LRRTM4: variants seen among roughly 807,000 people sequenced by gnomAD.
The protein encoded by LRRTM4 is leucine-rich repeat transmembrane neuronal protein 4.
Under a neutral mutation model 47.6 loss-of-function variants are expected in LRRTM4, and 25 were observed. The observed-to-expected ratio is 0.53, with a 90% CI of 0.38 to 0.73. The LOEUF (loss-of-function observed/expected upper bound fraction) is 0.73, where lower values mean the gene tolerates loss of function less well. Ranked by LOEUF, LRRTM4 falls within the 30% of genes least tolerant of loss-of-function variation. The pLI is 0.00. For missense variants in LRRTM4, 638 were observed against 713.4 expected, an observed-to-expected ratio of 0.89 and a Z score of 1.20; for synonymous variants, 311 against 269.5, an observed-to-expected ratio of 1.15 and a Z score of -1.51.
intron 3 of LRRTM4, among the ~76,000 whole-genome samples, chr2:77,455,089 G>A (rs1413145095): frequency 1.3e-5 from 2 of 152,110 alleles, no homozygotes; most frequent in African/African-American, 4.8e-5. Context: ...TCAGGAGGCT[G>A]AGACAGGAGA....
chr2:77,240,505 T>G (rs1025035629), intron 3 of LRRTM4, among the ~76,000 whole-genome samples: 3 of 151,994 alleles, frequency 2.0e-5, no homozygotes, highest in Non-Finnish European at 4.4e-5. Flanking sequence ...AGGCCTCTTT[T>G]CTAAGATAAA....
intron 3 of LRRTM4, among the ~76,000 whole-genome samples, chr2:76,981,241 CAT>C (rs1491177867): frequency 6.6e-6 from 1 of 152,068 alleles, no homozygotes; most frequent in Non-Finnish European, 1.5e-5. Flanking sequence ...CTATAAAATT[CAT>C]AGTCTCTGCT....
intron 3 of LRRTM4, among the ~76,000 whole-genome samples, chr2:77,325,619 CT>C (rs903781611): frequency 2.6e-5 from 4 of 152,134 alleles, no homozygotes; most frequent in African/African-American, 4.8e-5. Context: ...TCTAATTCCT[CT>C]CTAAGGGCCC....
chr2:77,497,638 T>C (rs1950163), intron 3 of LRRTM4, among the ~76,000 whole-genome samples: 85,587 of 150,500 alleles, frequency 0.57, 24,759 homozygotes, highest in Middle Eastern at 0.67. Flanking sequence ...TGGATACACA[T>C]ATACATGCAT....
At chr2:76,933,525 T>G (rs1674842337) in intron 3 of LRRTM4, among the ~76,000 whole-genome samples, 1 of 152,164 alleles carries the variant, frequency 6.6e-6, no homozygotes, top group African/African-American at 2.4e-5. Flanking sequence ...CTTATTAATT[T>G]TTTAGAATTG....
At chr2:76,887,957 T>G (rs552020036) in intron 3 of LRRTM4, among the ~76,000 whole-genome samples, 1 of 150,312 alleles carries the variant, frequency 6.7e-6, no homozygotes, top group African/African-American at 2.5e-5. Context: ...CTGAATCTTT[T>G]ATATGTTTCT....
At chr2:77,479,680 C>A (rs1432825419) in intron 3 of LRRTM4, among the ~76,000 whole-genome samples, 2 of 150,886 alleles carry the variant, frequency 1.3e-5, no homozygotes, top group Non-Finnish European at 3.0e-5. Flanking sequence ...GCATTTCCTT[C>A]TCTCTCTCTC....
At chr2:77,249,319 C>T (rs1355791730) in intron 3 of LRRTM4, among the ~76,000 whole-genome samples, 2 of 151,968 alleles carry the variant, frequency 1.3e-5, no homozygotes, top group Non-Finnish European at 1.5e-5. Context: ...CATTACACTC[C>T]AGCCTGGGTG....
intron 3 of LRRTM4, among the ~76,000 whole-genome samples, chr2:77,004,604 C>T (rs780081461): frequency 3.9e-5 from 6 of 152,126 alleles, no homozygotes; most frequent in African/African-American, 7.2e-5. Flanking sequence ...AGGGTCGGAG[C>T]CCCCACACAG....
At chr2:77,074,738 T>A (rs1680276448) in intron 3 of LRRTM4, among the ~76,000 whole-genome samples, 2 of 152,144 alleles carry the variant, frequency 1.3e-5, no homozygotes, top group Admixed American at 1.3e-4. Flanking sequence ...GGTCAATTGT[T>A]GCAAACCTTG....
chr2:76,998,270 TTCA>T (rs1677275398), intron 3 of LRRTM4, among the ~76,000 whole-genome samples: 1 of 152,070 alleles, frequency 6.6e-6, no homozygotes, highest in Admixed American at 6.6e-5. Context: ...ATTCAGCTTA[TTCA>T]GTTTAATCCT....
intron 3 of LRRTM4, among the ~76,000 whole-genome samples, chr2:76,876,747 T>G (rs928109648): frequency 7.9e-5 from 12 of 152,034 alleles, no homozygotes; most frequent in African/African-American, 2.7e-4. Flanking sequence ...ACAGCTTATA[T>G]GTACCACTAA....
chr2:77,470,117 G>A (rs1275507148), intron 3 of LRRTM4, among the ~76,000 whole-genome samples: 1 of 152,144 alleles, frequency 6.6e-6, no homozygotes, highest in Non-Finnish European at 1.5e-5. Flanking sequence ...CCGACCAGCA[G>A]GGGCATATAT....
intron 3 of LRRTM4, among the ~76,000 whole-genome samples, chr2:77,087,081 G>A (rs1680742262): frequency 6.6e-6 from 1 of 152,126 alleles, no homozygotes; most frequent in African/African-American, 2.4e-5. Context: ...CAAAACTAAA[G>A]CAACCAGTGT....
chr2:77,078,222 T>G (rs1005942841), intron 3 of LRRTM4, among the ~76,000 whole-genome samples: 23 of 152,226 alleles, frequency 1.5e-4, no homozygotes, highest in African/African-American at 4.6e-4. Context: ...ATATCTGCCA[T>G]AAACTAATCT....
chr2:76,869,408 CACCAGTT>C (rs977394316), intron 3 of LRRTM4, among the ~76,000 whole-genome samples: 1 of 152,058 alleles, frequency 6.6e-6, no homozygotes, highest in African/African-American at 2.4e-5. Context: ...CAGGAATAGT[CACCAGTT>C]TTGTATATTT....
chr2:77,054,018 G>C (rs1679522592), intron 3 of LRRTM4, among the ~76,000 whole-genome samples: 1 of 151,996 alleles, frequency 6.6e-6, no homozygotes, highest in Admixed American at 6.6e-5. Context: ...GATAAGTTTT[G>C]GAGTTCTGAC....
chr2:77,221,393 T>C (rs1452934059), intron 3 of LRRTM4, among the ~76,000 whole-genome samples: 1 of 152,108 alleles, frequency 6.6e-6, no homozygotes, highest in African/African-American at 2.4e-5. Flanking sequence ...GTGCTCCAAA[T>C]AAAAGACACA....
chr2:76,953,484 A>T (rs1193371095), intron 3 of LRRTM4, among the ~76,000 whole-genome samples: 1 of 151,906 alleles, frequency 6.6e-6, no homozygotes, highest in Non-Finnish European at 1.5e-5. Context: ...GCGCACACAC[A>T]CACATTACGT....
Sources: allele counts gnomAD v4.1 joint callset (sites outside exome capture counted in the v4.1 genomes callset), GRCh38; gene constraint gnomAD v4.1.1; transcripts MANE v1.5; gene names NCBI Gene and HGNC (gene_info 2026-07-23, HGNC 2026-07-21).